The following VKORC1L1 variants were observed in gnomAD, a reference collection of about 807,000 sequenced individuals.
VKORC1L1 encodes the protein vitamin K epoxide reductase complex subunit 1-like protein 1.
A neutral mutation model predicts 18.9 loss-of-function variants in VKORC1L1; 2 were observed. The ratio of observed to expected loss-of-function variants is 0.11; its 90% CI spans 0.04 to 0.33. VKORC1L1 has a LOEUF of 0.33. Ranked by LOEUF, VKORC1L1 falls within the 10% of genes least tolerant of loss-of-function variation. The pLI is 1.00. For synonymous variants in VKORC1L1, 96 were observed against 100.0 expected (o/e 0.96, Z 0.24); for missense variants, 123 against 224.1 (o/e 0.55, Z 2.88).
intron 1 of VKORC1L1, among the ~76,000 whole-genome samples, chr7:65,907,867 A>AT: frequency 7.0e-6 from 1 of 142,034 alleles, no homozygotes; most frequent in African/African-American, 2.5e-5. Context: ...TTTTGTTTTC[A>AT]AGATCTTCCC....
In VKORC1L1 at chr7:65,955,997, A is replaced by G. The variant is rs142307469; in HGVS notation, c.*1697A>G. On this transcript the variant is annotated 3_prime_UTR_variant, in exon 3 of 3. Coordinates refer to ENST00000360768, the MANE Select transcript of VKORC1L1 (RefSeq NM_173517.6). Reference sequence around the variant, plus strand: ...CCGAGGCAGGTATCAAGTCCAAATCATAATGAACTTTTCACCAGTTTCAAC... The same window carrying G: ...CCGAGGCAGGTATCAAGTCCAAATCGTAATGAACTTTTCACCAGTTTCAAC... 33 of 152,366 alleles carry G rather than the reference A, an allele frequency of 2.2e-4. 1 individual carries two copies. The East Asian group carries it at 5.8e-3, about 27-fold the overall frequency. 9.4% of individuals were successfully genotyped at this position (152,366 alleles called of 1,614,324 possible).
intron 1 of VKORC1L1, among the ~76,000 whole-genome samples, chr7:65,947,688 A>G (rs947223039): frequency 2.0e-5 from 3 of 151,794 alleles, no homozygotes; most frequent in African/African-American, 7.3e-5. Flanking sequence ...TTCTGATATT[A>G]TCCTGCATTT....
At chr7:65,936,883 A>G (rs913262701) in intron 1 of VKORC1L1, among the ~76,000 whole-genome samples, 5 of 152,210 alleles carry the variant, frequency 3.3e-5, no homozygotes, top group Non-Finnish European at 7.3e-5. Flanking sequence ...GTGAAAGAAA[A>G]GAGAAGAAAC....
At position 65,955,890 on chromosome 7, in the gene VKORC1L1, C is replaced by T. The variant is rs752924901; in HGVS notation, c.*1590C>T. 1.3e-5 allele frequency: 2 copies of T among 152,230 alleles called. No homozygotes were observed. The highest frequency in any genetic ancestry group is 2.1e-4 in the South Asian group (1 of 4,832). The allele number at this position is 152,230 out of a possible 1,614,324, so 9.4% of individuals were successfully genotyped here. A position where few individuals can be genotyped will look rare whatever the true frequency, so the allele number is the denominator to read the frequency against. ...TTGAAGGGAGGGGACGGGCTCTGCT[C>T]TGTAAACTCAAATGTGTAGAGTCAG... On this transcript the variant is annotated 3_prime_UTR_variant, in exon 3 of 3. Coordinates refer to ENST00000360768, the MANE Select transcript of VKORC1L1 (RefSeq NM_173517.6).
At chr7:65,923,195 C>T (rs770890942) in intron 1 of VKORC1L1, among the ~76,000 whole-genome samples, 9 of 152,058 alleles carry the variant, frequency 5.9e-5, no homozygotes, top group East Asian at 1.9e-4. Context: ...TGAGCCCTGA[C>T]GTTCAAGACC....
intron 1 of VKORC1L1, among the ~76,000 whole-genome samples, chr7:65,904,637 C>A (rs998515300): frequency 6.6e-6 from 1 of 152,038 alleles, no homozygotes; most frequent in Non-Finnish European, 1.5e-5. Context: ...AGCTAATAAA[C>A]TGATAGTGGA....
intron 1 of VKORC1L1, among the ~76,000 whole-genome samples, chr7:65,888,657 A>AAC (rs1562983990): frequency 6.6e-6 from 1 of 152,072 alleles, no homozygotes; most frequent in Non-Finnish European, 1.5e-5. Flanking sequence ...GGGGGAGTTG[A>AAC]CAACCTTCTT....
At chr7:65,867,850 G>A in the VKORC1L1 span, among the ~76,000 whole-genome samples, 1 of 152,010 alleles carries the variant, frequency 6.6e-6, no homozygotes, top group African/African-American at 2.4e-5. Flanking sequence ...TTGAAGAAGA[G>A]CACATGCTAT....
At chr7:65,945,602 G>C (rs937847793) in intron 1 of VKORC1L1, among the ~76,000 whole-genome samples, 6 of 150,678 alleles carry the variant, frequency 4.0e-5, no homozygotes, top group African/African-American at 1.5e-4. Flanking sequence ...ACACGAATGA[G>C]ACTCCGTCTC....
chr7:65,867,779 T>C, the VKORC1L1 span, among the ~76,000 whole-genome samples: 1 of 152,168 alleles, frequency 6.6e-6, no homozygotes, highest in Non-Finnish European at 1.5e-5. Flanking sequence ...ACAGACCTTC[T>C]TGAATTCAAG....
At chr7:65,882,567 T>G (rs1788946237) in intron 1 of VKORC1L1, among the ~76,000 whole-genome samples, 1 of 152,174 alleles carries the variant, frequency 6.6e-6, no homozygotes, top group Non-Finnish European at 1.5e-5. Context: ...TAAAATGCCA[T>G]TTTATTTTTT....
At chr7:65,914,514 A>G (rs553279348) in intron 1 of VKORC1L1, among the ~76,000 whole-genome samples, 154 of 152,160 alleles carry the variant, frequency 1.0e-3, no homozygotes, top group African/African-American at 3.6e-3. Context: ...TCTTACCTCA[A>G]TGAAACTCAC....
At chr7:65,910,225 A>G (rs1789481645) in intron 1 of VKORC1L1, among the ~76,000 whole-genome samples, 1 of 152,214 alleles carries the variant, frequency 6.6e-6, no homozygotes, top group African/African-American at 2.4e-5. Context: ...TAATATGAAC[A>G]TTATTTTAAC....
At position 65,888,707 on chromosome 7, in the gene VKORC1L1, T is replaced by C. The variant is rs368519882; in HGVS notation, c.194+15142T>C. The stretch of plus-strand genomic sequence containing the variant: ...CATGAAAGAAGCAGACAAGTGAGCT[T>C]GCATCTGTGTGCTGACCTTTTAACA... On this transcript the variant is annotated intron_variant, in intron 1 of 2. Transcript: ENST00000360768. 2.9e-3 allele frequency among the ~76,000 whole-genome samples: 441 copies of C among 152,140 alleles called. 3 individuals carry two copies. The highest frequency in any genetic ancestry group is 6.3e-3 in the African/African-American group (261 of 41,516).
Position 65,954,510 on chromosome 7 carries a change from A to G in VKORC1L1, c.*210A>G, listed in dbSNP as rs1790263643. On this transcript the variant is annotated 3_prime_UTR_variant, in exon 3 of 3. Coordinates refer to ENST00000360768, the MANE Select transcript of VKORC1L1 (RefSeq NM_173517.6). ...TTTTAAATATGGATACAAAAAGGAT[A>G]CGCCGAGCCAATCAAAGACAAGCTT... 1.7e-5 allele frequency: 14 copies of G among 842,834 alleles called. No homozygotes were observed. The highest frequency in any genetic ancestry group is 1.3e-4 in the South Asian group (5 of 37,196). The allele number at this position is 842,834 out of a possible 1,614,324, so 52.2% of individuals were successfully genotyped here. A position where few individuals can be genotyped will look rare whatever the true frequency, so the allele number is the denominator to read the frequency against.
chr7:65,873,341 G>C lies in VKORC1L1; in HGVS notation c.-31G>C, dbSNP rs763344910. ...GGGCGGCGGCGGCTGAGGTGGAGGC[G>C]GAGGGAGGCGGCGGCGGCGGCGGCG... On this transcript the variant is annotated 5_prime_UTR_variant, in exon 1 of 3. Transcript: ENST00000360768. 1.4e-6 allele frequency: 2 copies of C among 1,466,778 alleles called. No individual in the cohort carries two copies. Among genetic ancestry groups the C allele is most frequent in the South Asian group, 1.2e-5 (1 of 80,580 alleles). 90.9% of individuals were successfully genotyped at this position (1,466,778 alleles called of 1,614,324 possible).
chr7:65,906,975 C>G (rs187155620), intron 1 of VKORC1L1, among the ~76,000 whole-genome samples: 22 of 152,128 alleles, frequency 1.4e-4, no homozygotes, highest in Admixed American at 7.9e-4. Context: ...AGCCCCTATA[C>G]AAGGGTGGAA....
At position 65,954,440 on chromosome 7, in the gene VKORC1L1, C is replaced by A; in HGVS notation, c.*140C>A. 1 of 1,350,718 alleles carries A rather than the reference C, an allele frequency of 7.4e-7. No homozygotes were observed. The highest frequency in any genetic ancestry group is 9.6e-7 in the Non-Finnish European group (1 of 1,037,542). 83.7% of individuals were successfully genotyped at this position (1,350,718 alleles called of 1,614,324 possible). A position where few individuals can be genotyped will look rare whatever the true frequency, so the allele number is the denominator to read the frequency against. ...AATCTCAAACTGATTTTTAAAAATC[C>A]GGTAAATTAGAAGGGGCCCTCGCTA... is the stretch of plus-strand genomic sequence containing the variant. On this transcript the variant is annotated 3_prime_UTR_variant, in exon 3 of 3. Transcript: ENST00000360768.
At chr7:65,946,717 G>A (rs1207056875) in intron 1 of VKORC1L1, among the ~76,000 whole-genome samples, 6 of 152,146 alleles carry the variant, frequency 3.9e-5, no homozygotes, top group Non-Finnish European at 5.9e-5. Context: ...GCAGCACCTC[G>A]TCTGGCTCGT....
Sources: gnomAD v4.1 joint callset for allele counts (sites outside exome capture counted in the v4.1 genomes callset) on GRCh38, gnomAD v4.1.1 for gene constraint, MANE v1.5 for transcripts, NCBI Gene and HGNC (gene_info 2026-07-23, HGNC 2026-07-21) for gene names.